Variants in PHF7 observed in about 807,000 individuals in gnomAD.
PHF7 encodes E3 ubiquitin-protein ligase PHF7.
PHF7 carries 24 observed loss-of-function variants against 47.5 expected under a neutral mutation model. That is an observed-to-expected ratio of 0.51 (90% CI 0.37 to 0.71). The LOEUF is 0.71. Among genes scored for constraint, PHF7 ranks in the 30% least tolerant of loss-of-function variants. The pLI, the probability that PHF7 is intolerant of heterozygous loss-of-function variation, is 0.00. For missense variants in PHF7, 361 were observed against 456.8 expected (o/e 0.79, Z 1.91); for synonymous variants, 156 against 153.8 (o/e 1.01, Z -0.11).
At chr3:52,412,680 A>C (rs558157536) in intron 1 of PHF7, 131 bp from the exon 2 acceptor site, 2 of 574,316 alleles carry the variant, frequency 3.5e-6, no homozygotes, top group Non-Finnish European at 6.2e-6. Context: ...ACACATGTCA[A>C]GTACCTAGAA....
chr3:52,417,114 A>G (rs1705649858), intron 4 of PHF7, among the ~76,000 whole-genome samples: 3 of 152,178 alleles, frequency 2.0e-5, no homozygotes, highest in South Asian at 2.1e-4. Flanking sequence ...GTCAAAATCA[A>G]TTGACCATAT....
At chr3:52,421,808 C>T (rs902790761) in intron 8 of PHF7, 54 bp downstream of exon 8, 2 of 913,408 alleles carry the variant, frequency 2.2e-6, no homozygotes, top group African/African-American at 3.3e-5. Context: ...GCCTAGATTT[C>T]TAGAGAGGAG....
chr3:52,417,920 G>C (rs1705671520), intron 4 of PHF7, among the ~76,000 whole-genome samples: 1 of 152,086 alleles, frequency 6.6e-6, no homozygotes, highest in South Asian at 2.1e-4. Flanking sequence ...TTTTTTCATA[G>C]ATGTTTTTAT....
rs1266310444 is a variant in PHF7 at position 52,423,286 on chromosome 3, G to C, written c.1115G>C (p.Arg372Thr). 1 of 1,613,720 alleles carries C rather than the reference G, an allele frequency of 6.2e-7. No individual in the cohort carries two copies. The highest frequency in any genetic ancestry group is 8.5e-7 in the Non-Finnish European group (1 of 1,179,674). ...TACTCCTGGAGGTCCAAGGGTGTCA[G>C]AATCACTAACAGCTGCAAAAAATCC... is the stretch of plus-strand genomic sequence containing the variant. ...RSYSWRSKGV[R>T]ITNSCKKSK is the part of the protein sequence containing the mutation. Residue 372 changes from arginine (R) to threonine (T), a missense_variant, in exon 11 of 11, where the codon AGA (arginine) becomes ACA (threonine). By Grantham distance (71) the Arg-to-Thr change is moderately conservative. Coordinates refer to ENST00000327906, the MANE Select transcript of PHF7 (RefSeq NM_016483.7).
At chr3:52,416,965 T>C (rs1705645535) in intron 4 of PHF7, among the ~76,000 whole-genome samples, 1 of 152,232 alleles carries the variant, frequency 6.6e-6, no homozygotes, top group South Asian at 2.1e-4. Flanking sequence ...TGCCTTTTCA[T>C]TTTCTTAATG....
rs764883845 is a variant in PHF7 at position 52,422,273 on chromosome 3, C to T, written c.732C>T (p.Arg244=). The T allele has an allele frequency of 6.2e-7, 1 of 1,614,138 alleles. No individual in the cohort carries two copies. The highest frequency in any genetic ancestry group is 8.5e-7 in the Non-Finnish European group (1 of 1,179,954). The change falls in exon 9 of 11, where the codon CGC becomes CGT. Residue 244 remains arginine, a synonymous_variant. Transcript: ENST00000327906. ...EPGAFSDLYQ[R]YQHCDAPICL... is the part of the protein sequence containing the mutation. Reference sequence around the variant, plus strand: ...GGGCTTTCTCAGACTTATATCAGCGCTATCAGCACTGTGATGCCCCCATCT... The same window carrying T: ...GGGCTTTCTCAGACTTATATCAGCGTTATCAGCACTGTGATGCCCCCATCT...
chr3:52,422,552 G>C, intron 9 of PHF7: 1 of 656,154 alleles, frequency 1.5e-6, no homozygotes, highest in South Asian at 1.8e-5. Context: ...CCAGTGGAGA[G>C]ACATTCAGAG....
chr3:52,423,054 A>G (rs1368959831), intron 10 of PHF7, 37 bp from the exon 11 acceptor site: 1 of 1,527,518 alleles, frequency 6.5e-7, no homozygotes, highest in South Asian at 1.1e-5. Context: ...GGAGAAGCAG[A>G]GGCTTGAGTT....
intron 4 of PHF7, among the ~76,000 whole-genome samples, chr3:52,418,772 A>C (rs1029832178): frequency 6.6e-6 from 1 of 152,000 alleles, no homozygotes; most frequent in Admixed American, 6.6e-5. Flanking sequence ...CCTCCTCTGT[A>C]AGATGAGCAT....
rs542488798 is a variant in PHF7 at position 52,422,125 on chromosome 3, G to A, written c.681-97G>A. ...TGTTCAGGCAGCCTACTGAACTCTT[G>A]CTGTGCTTAGCTTGGGCTCTTCCTA... On this transcript the variant is annotated intron_variant, in intron 8 of 10. Coordinates refer to ENST00000327906, the MANE Select transcript of PHF7 (RefSeq NM_016483.7). 6.5e-5 allele frequency: 55 copies of A among 846,454 alleles called. No homozygotes were observed. The African/African-American group carries it at 8.9e-4, about 14-fold the overall frequency. 52.4% of individuals were successfully genotyped at this position (846,454 alleles called of 1,614,324 possible).
chr3:52,413,727 C>T (rs1334172304), intron 2 of PHF7, among the ~76,000 whole-genome samples: 6 of 152,198 alleles, frequency 3.9e-5, no homozygotes, highest in South Asian at 2.1e-4. Context: ...CCCAGCTCCT[C>T]GGGAGGCTGA....
At chr3:52,422,922 G>A (rs1425531365) in intron 10 of PHF7, 41 bp downstream of exon 10, 1 of 1,613,020 alleles carries the variant, frequency 6.2e-7, no homozygotes, top group Non-Finnish European at 8.5e-7. Context: ...GCAAGGAGGG[G>A]GCTGTAGGGA....
At chr3:52,419,965 G>A in intron 5 of PHF7, 31 bp downstream of exon 5, 1 of 1,305,258 alleles carries the variant, frequency 7.7e-7, no homozygotes, top group Non-Finnish European at 1.1e-6. Context: ...GGACCTTGGG[G>A]TAGGCCTCTT....
At chr3:52,419,031 C>T (rs932276551) in intron 4 of PHF7, among the ~76,000 whole-genome samples, 4 of 152,144 alleles carry the variant, frequency 2.6e-5, no homozygotes, top group Non-Finnish European at 1.5e-5. Context: ...TCTCGAACTC[C>T]TGACCTCAGA....
In PHF7 at chr3:52,414,001, C is replaced by T; in HGVS notation, c.47C>T (p.Ser16Phe). 1.9e-6 allele frequency: 3 copies of T among 1,605,130 alleles called. No homozygotes were observed. The highest frequency in any genetic ancestry group is 2.6e-6 in the Non-Finnish European group (3 of 1,171,872). ...TTCTTATTTCTCTTGTATAGAAAAT[C>T]TGCCAAGACTAGGAGGGTAACCCAG... ...EKKECQRLRK[S>F]AKTRRVTQRK... The change falls in exon 3 of 11, where the codon TCT becomes TTT. Residue 16 changes from serine to phenylalanine, a missense_variant. Ser to Phe is a radical substitution (Grantham distance 155). Coordinates refer to ENST00000327906, the MANE Select transcript of PHF7 (RefSeq NM_016483.7).
intron 7 of PHF7, 24 bp downstream of exon 7, chr3:52,421,086 C>G (rs1352885950): frequency 6.3e-7 from 1 of 1,580,080 alleles, no homozygotes; most frequent in South Asian, 1.2e-5. Context: ...CGCCCTGGGT[C>G]CCTTCCACCA....
In PHF7 at chr3:52,423,431, A is replaced by G; in HGVS notation, c.*114A>G. 1 of 667,874 alleles carries G rather than the reference A, an allele frequency of 1.5e-6. No individual in the cohort carries two copies. Among genetic ancestry groups the G allele is most frequent in the East Asian group, 2.7e-5 (1 of 37,220 alleles). 41.4% of individuals were successfully genotyped at this position (667,874 alleles called of 1,614,324 possible). A position where few individuals can be genotyped will look rare whatever the true frequency, so the allele number is the denominator to read the frequency against. ...AGACAAGGAAGCAGGGCCAGCAGTGAGACTATGAGCCAAGCAAAGAGAAGT... is the reference window on the plus strand; with the variant it reads ...AGACAAGGAAGCAGGGCCAGCAGTGGGACTATGAGCCAAGCAAAGAGAAGT... On this transcript the variant is annotated 3_prime_UTR_variant, in exon 11 of 11. Coordinates refer to ENST00000327906, the MANE Select transcript of PHF7 (RefSeq NM_016483.7).
intron 2 of PHF7, among the ~76,000 whole-genome samples, chr3:52,413,304 G>C (rs766177375): frequency 5.3e-5 from 8 of 152,170 alleles, no homozygotes; most frequent in Non-Finnish European, 1.2e-4. Flanking sequence ...GCCAAGAATA[G>C]TGCCTCGCAA....
chr3:52,420,956 G>A lies in PHF7; in HGVS notation c.467G>A (p.Gly156Glu), dbSNP rs897909959. 2 of 1,613,550 alleles carry A rather than the reference G, an allele frequency of 1.2e-6. No individual in the cohort carries two copies. Among genetic ancestry groups the A allele is most frequent in the African/African-American group, 1.3e-5 (1 of 75,026 alleles). The change falls in exon 7 of 11, where the codon GGG (glycine) becomes GAG (glutamate). Residue 156 changes from glycine (G) to glutamate (E), a missense_variant. Physicochemically the swap from Gly to Glu is moderately conservative, Grantham distance 98. Coordinates refer to ENST00000327906, the MANE Select transcript of PHF7 (RefSeq NM_016483.7). ...PTQNIQHGHVGEESCILCCED... is the reference protein window; with the variant it reads ...PTQNIQHGHVEEESCILCCED... ...CAGAACATCCAACATGGGCATGTGGGGGAGGAAAGCTGCATCTTATGTTGT... is the reference window on the plus strand; with the variant it reads ...CAGAACATCCAACATGGGCATGTGGAGGAGGAAAGCTGCATCTTATGTTGT...
Sources: gnomAD v4.1 joint callset for allele counts (sites outside exome capture counted in the v4.1 genomes callset) on GRCh38, gnomAD v4.1.1 for gene constraint, MANE v1.5 for transcripts, NCBI Gene and HGNC (gene_info 2026-07-23, HGNC 2026-07-21) for gene names.